The following LILRB5 variants were observed in gnomAD, a reference collection of about 807,000 sequenced individuals.
LILRB5 encodes leukocyte immunoglobulin like receptor B5.
In LILRB5, 61 loss-of-function variants were observed where a neutral mutation model predicts 68.4. The observed-to-expected ratio is 0.89, with a 90% CI of 0.73 to 1.10. The LOEUF (loss-of-function observed/expected upper bound fraction) is 1.10. Among genes scored for constraint, LILRB5 ranks in the 50% least tolerant of loss-of-function variants. The probability of loss-of-function intolerance (pLI) is 0.00; values close to 1 mark genes in which losing one functional copy is unlikely to be tolerated. For synonymous variants in LILRB5, 356 were observed against 315.8 expected, an observed-to-expected ratio of 1.13 and a Z score of -1.35; for missense variants, 771 against 751.6, an observed-to-expected ratio of 1.03 and a Z score of -0.30.
Position 54,254,389 on chromosome 19 carries a change from G to T in LILRB5, c.1282C>A (p.Pro428Thr). 1 of 1,585,646 alleles carries T rather than the reference G, an allele frequency of 6.3e-7. No homozygotes were observed. The highest frequency in any genetic ancestry group is 8.6e-7 in the Non-Finnish European group (1 of 1,165,916). Residue 428 changes from proline (P) to threonine (T), a missense_variant, in exon 7 of 13, where the codon CCT becomes ACT. Physicochemically the swap from Pro to Thr is conservative, Grantham distance 38 (BLOSUM62 -1). Coordinates refer to ENST00000449561, the MANE Select transcript of LILRB5 (RefSeq NM_001081442.3). ...SGPSGDPSLS[P>T]TGSTPTPAGP... ...CCAGGTGTGGGGGTGGAGCCTGTAG[G>T]TGAGAGGCTGGGATCCCCAGAGGGT...
At position 54,250,860 on chromosome 19, in the gene LILRB5, T is replaced by C. The variant is rs200726483; in HGVS notation, c.1702A>G (p.Thr568Ala). The change falls in exon 13 of 13, where the codon ACT (threonine) becomes GCT (alanine). Residue 568 changes from threonine (T) to alanine (A), a missense_variant. Physicochemically the swap from Thr to Ala is moderately conservative, Grantham distance 58. Transcript: ENST00000449561. ...CTTTCCTGGGATGGAGGAGGCTCAGTTGCCTCCCGTCTGAGGGTCAAGCTG... is the reference window on the plus strand; with the variant it reads ...CTTTCCTGGGATGGAGGAGGCTCAGCTGCCTCCCGTCTGAGGGTCAAGCTG... ...LHSLTLRREA[T>A]EPPPSQEREP... 8.7e-5 allele frequency: 141 copies of C among 1,613,610 alleles called. 1 individual carries two copies. The East Asian group carries it at 3.1e-3, about 35-fold the overall frequency.
Position 54,252,375 on chromosome 19 carries a change from C to G in LILRB5, c.1567G>C (p.Glu523Gln). The change falls in exon 11 of 13, where the codon GAA becomes CAA. Residue 523 changes from glutamate (E) to glutamine (Q), a missense_variant. By Grantham distance (29) the Glu-to-Gln change is conservative. Transcript: ENST00000449561. Reference sequence around the variant, plus strand: ...GCTTCTAGTCACTCACTGAGAATTTCCTCCTGGATGTCAGCAACTGGGCTG... The same window carrying G: ...GCTTCTAGTCACTCACTGAGAATTTGCTCCTGGATGTCAGCAACTGGGCTG... The part of the protein sequence containing the change: ...RASPVADIQE[E>Q]ILNAAVKDTQ... The G allele has an allele frequency of 6.2e-7, 1 of 1,614,078 alleles. No homozygotes were observed. The highest frequency in any genetic ancestry group is 8.5e-7 in the Non-Finnish European group (1 of 1,179,996).
chr19:54,253,040 T>G, intron 8 of LILRB5, 53 bp from the exon 9 acceptor site: 1 of 1,287,872 alleles, frequency 7.8e-7, no homozygotes, highest in Non-Finnish European at 1.1e-6. Flanking sequence ...GTGAGCACCT[T>G]CTGTGTGCAG....
At position 54,256,637 on chromosome 19, in the gene LILRB5, C is replaced by T; in HGVS notation, c.207G>A (p.Arg69=). ...CAGGCTCCAGTGGGTTCTGTCTCTT[C>T]CGGGCCCATGGGAGTCCCTCCTTAT... The part of the protein sequence containing the change: ...RLDKEGLPWA[R]KRQNPLEPGA... Residue 69 remains arginine, a synonymous_variant, in exon 3 of 13, where the codon CGG becomes CGA. Coordinates refer to ENST00000449561, the MANE Select transcript of LILRB5 (RefSeq NM_001081442.3). 2 of 1,614,190 alleles carry T rather than the reference C, an allele frequency of 1.2e-6. No individual in the cohort carries two copies. The highest frequency in any genetic ancestry group is 2.2e-5 in the East Asian group (1 of 44,882).
chr19:54,255,822 G>C, intron 4 of LILRB5: 1 of 659,866 alleles, frequency 1.5e-6, no homozygotes, highest in Admixed American at 3.0e-5. Flanking sequence ...GGAAATTGCA[G>C]CAAATACACC....
intron 11 of LILRB5, 51 bp from the exon 12 acceptor site, chr19:54,252,157 T>G: frequency 6.3e-7 from 1 of 1,599,598 alleles, no homozygotes; most frequent in Non-Finnish European, 8.6e-7. Flanking sequence ...CTCTGAGACT[T>G]CTCCGTCCTG....
At position 54,250,046 on chromosome 19, in the gene LILRB5, A is replaced by G. The variant is rs1319491755; in HGVS notation, c.*740T>C. ...GACTCCGTCTCAAAAAACAAAACAA[A>G]ACAAAACAAAAACCCTCACACAAAA... On this transcript the variant is annotated 3_prime_UTR_variant, in exon 13 of 13. Coordinates refer to ENST00000449561, the MANE Select transcript of LILRB5 (RefSeq NM_001081442.3). 6.6e-6 allele frequency: 1 copy of G among 152,496 alleles called. No individual in the cohort carries two copies. The highest frequency in any genetic ancestry group is 1.5e-5 in the Non-Finnish European group (1 of 68,358). 9.4% of individuals were successfully genotyped at this position (152,496 alleles called of 1,614,324 possible).
At position 54,256,120 on chromosome 19, in the gene LILRB5, A is replaced by T. The variant is rs2079132734; in HGVS notation, c.578T>A (p.Phe193Tyr). The stretch of plus-strand genomic sequence containing the variant: ...TTTCCTGTAATAGTAATAGCATCTG[A>T]ACCTCCACCTGCAGCTGGGGGTCAC... ...GPVTPSCRWR[F>Y]RCYYYYRKNP... is the part of the protein sequence containing the mutation. The change falls in exon 4 of 13, where the codon TTC (phenylalanine) becomes TAC (tyrosine). Residue 193 changes from phenylalanine (F) to tyrosine (Y), a missense_variant. Transcript: ENST00000449561. The T allele has an allele frequency of 1.2e-6, 2 of 1,607,782 alleles. No individual in the cohort carries two copies. Among genetic ancestry groups the T allele is most frequent in the Non-Finnish European group, 1.7e-6 (2 of 1,177,432 alleles).
Position 54,250,774 on chromosome 19 carries a change from G to GT in LILRB5, c.*11dup. On this transcript the variant is annotated 3_prime_UTR_variant, in exon 13 of 13. Coordinates refer to ENST00000449561, the MANE Select transcript of LILRB5 (RefSeq NM_001081442.3). ...TCCTTCTGTTGAGTATGAGATCTGG[G>GT]TCCCCCGTGGGCTAGTGGATGGCCA... 6.2e-7 allele frequency: 1 copy of GT among 1,613,982 alleles called. No individual in the cohort carries two copies. The highest frequency in any genetic ancestry group is 1.1e-5 in the South Asian group (1 of 91,064).
intron 12 of LILRB5, chr19:54,251,352 G>A: frequency 1.3e-6 from 1 of 777,172 alleles, no homozygotes; most frequent in Non-Finnish European, 2.0e-6. Context: ...TCCTCACTCT[G>A]ACCTTGCCCA....
intron 6 of LILRB5, 124 bp downstream of exon 6, chr19:54,254,611 T>A (rs781387604): frequency 1.1e-5 from 14 of 1,332,966 alleles, no homozygotes; most frequent in Admixed American, 5.9e-5. Context: ...TGAGTCTCCC[T>A]CTGGCTGAGC....
In LILRB5 at chr19:54,256,145, C is replaced by T. The variant is rs746812552; in HGVS notation, c.553G>A (p.Val185Met). 34 of 1,611,042 alleles carry T rather than the reference C, an allele frequency of 2.1e-5. No individual in the cohort carries two copies. Among genetic ancestry groups the T allele is most frequent in the Middle Eastern group, 1.7e-4 (1 of 6,044 alleles). ...PSQALFPVGP[V>M]TPSCRWRFRC... is the part of the protein sequence containing the mutation. ...AACCTCCACCTGCAGCTGGGGGTCA[C>T]GGGACCCACAGGGAACAGGGCCTGG... The change falls in exon 4 of 13, where the codon GTG (valine) becomes ATG (methionine). Residue 185 changes from valine (V) to methionine (M), a missense_variant. Val to Met is a conservative substitution (Grantham distance 21). Transcript: ENST00000449561.
At chr19:54,254,211 C>T (rs2079046630) in intron 7 of LILRB5, 143 bp from the exon 8 acceptor site, 1 of 1,473,284 alleles carries the variant, frequency 6.8e-7, no homozygotes, top group African/African-American at 1.4e-5. Flanking sequence ...CCTCAGAGCC[C>T]CGGGGAGCCT....
At chr19:54,253,782 G>C in intron 8 of LILRB5, 1 of 1,406,182 alleles carries the variant, frequency 7.1e-7, no homozygotes, top group East Asian at 2.5e-5. Context: ...CCCAAACCAC[G>C]GCCCTGCTCC....
Position 54,255,452 on chromosome 19 carries a change from G to A in LILRB5, c.786C>T (p.Asp262=). 1.2e-6 allele frequency: 2 copies of A among 1,614,106 alleles called. No individual in the cohort carries two copies. The change falls in exon 5 of 13, where the codon GAC becomes GAT. Residue 262 remains aspartate (D), a synonymous_variant. Transcript: ENST00000449561. ...GCTGCTGGCCAGAGCCCTGGACGAGGTCATGTTCCCCCTCCTTGTACAGAA... is the reference window on the plus strand; with the variant it reads ...GCTGCTGGCCAGAGCCCTGGACGAGATCATGTTCCCCCTCCTTGTACAGAA... ...IFVLYKEGEH[D]LVQGSGQQPQ... is the part of the protein sequence containing the mutation.
rs7248556 is a variant in LILRB5 at position 54,252,099 on chromosome 19, G to A, written c.1584C>T (p.Ala528=). The A allele has an allele frequency of 0.024, 38,976 of 1,613,876 alleles. 1,466 individuals carry two copies. Among genetic ancestry groups the A allele is most frequent in the African/African-American group, 0.16 (11,928 of 74,972 alleles). ...ADIQEEILNA[A]VKDTQPKDGV... is the part of the protein sequence containing the mutation. ...CGTCCTTGGGCTGTGTGTCCTTCACGGCAGCATCTGCTGGGCCAGAGCAAG... is the reference window on the plus strand; with the variant it reads ...CGTCCTTGGGCTGTGTGTCCTTCACAGCAGCATCTGCTGGGCCAGAGCAAG... Residue 528 remains alanine (A), a synonymous_variant, in exon 12 of 13, where the codon GCC becomes GCT. Coordinates refer to ENST00000449561, the MANE Select transcript of LILRB5 (RefSeq NM_001081442.3).
rs199629753 is a variant in LILRB5, at chr19:54,256,308, C to T, written c.390G>A (p.Pro130=). ...TTCCTCCTGAGGCCACCACAGGACT[C>T]GGCAGGGCTAAAAGAGTGGGTTCTG... is the stretch of plus-strand genomic sequence containing the variant. ...FYAEPTLLAL[P]SPVVASGGNV... The change falls in exon 4 of 13, where the codon CCG becomes CCA. Residue 130 remains proline, a synonymous_variant. Coordinates refer to ENST00000449561, the MANE Select transcript of LILRB5 (RefSeq NM_001081442.3). 27 of 1,612,172 alleles carry T rather than the reference C, an allele frequency of 1.7e-5. No individual in the cohort carries two copies. In the East Asian group the frequency reaches 1.8e-4, roughly 11 times the overall value.
At position 54,255,191 on chromosome 19, in the gene LILRB5, AC is replaced by A. The variant is rs373746087; in HGVS notation, c.952+94del. 1.0e-3 allele frequency: 1,321 copies of A among 1,282,170 alleles called. 4 individuals carry two copies. In the African/African-American group the frequency reaches 0.011, roughly 11 times the overall value. 79.4% of individuals were successfully genotyped at this position (1,282,170 alleles called of 1,614,324 possible). ...GTCTGTCTCTCCCTCCCTTGGGACC[AC>A]CCCCCCGCCTCATCCCGGCCATCAC... On this transcript the variant is annotated intron_variant, in intron 5 of 12. Transcript: ENST00000449561.
chr19:54,252,897 C>T lies in LILRB5; in HGVS notation c.1448G>A (p.Arg483Gln), dbSNP rs765074959. Reference protein sequence around the residue: ...FLLLFLLLRHRHQSKHRTSAH... With the variant: ...FLLLFLLLRHQHQSKHRTSAH... ...CGATGTCCTGTGTTTGCTCTGATGC[C>T]GATGTCGGAGGAGGAGGAAGAGGAG... Residue 483 changes from arginine to glutamine, a missense_variant, in exon 9 of 13, where the codon CGG (arginine) becomes CAG (glutamine). Physicochemically the swap from Arg to Gln is conservative, Grantham distance 43. Transcript: ENST00000449561. 1.1e-5 allele frequency: 17 copies of T among 1,598,082 alleles called. No homozygotes were observed. Among genetic ancestry groups the T allele is most frequent in the South Asian group, 6.6e-5 (6 of 90,914 alleles).
Sources: gnomAD v4.1 joint callset for allele counts on GRCh38, gnomAD v4.1.1 for gene constraint, MANE v1.5 for transcripts, NCBI Gene and HGNC (gene_info 2026-07-23, HGNC 2026-07-21) for gene names.